Variants in ZNF235 observed in about 807,000 individuals in gnomAD.
ZNF235 encodes the protein zinc finger protein 235.
Under a neutral mutation model 29.4 loss-of-function variants are expected in ZNF235, and 25 were observed. The ratio of observed to expected loss-of-function variants is 0.85; its 90% confidence interval spans 0.62 to 1.19. ZNF235 has a LOEUF of 1.19. Ranked by LOEUF, ZNF235 falls within the 50% of genes most tolerant of loss-of-function variation. ZNF235 has a pLI of 0.00. For missense variants in ZNF235, 788 were observed against 885.0 expected (o/e 0.89, Z 1.39); for synonymous variants, 300 against 295.3 (o/e 1.02, Z -0.16).
Position 44,287,362 on chromosome 19 carries a change from G to A in ZNF235, c.2073C>T (p.Gly691=). ...KPYTCQQCGK[G]FSQASHFHTH... is the part of the protein sequence containing the mutation. ...TGTGAAAATGTGAGGCCTGACTGAAGCCCTTCCCACACTGCTGACACGTAT... is the reference window on the plus strand; with the variant it reads ...TGTGAAAATGTGAGGCCTGACTGAAACCCTTCCCACACTGCTGACACGTAT... Residue 691 remains glycine (G), a synonymous_variant, in exon 5 of 5, where the codon GGC becomes GGT. Coordinates refer to ENST00000291182, the MANE Select transcript of ZNF235 (RefSeq NM_004234.4). 7 of 1,612,730 alleles carry A rather than the reference G, an allele frequency of 4.3e-6. No individual in the cohort carries two copies. The highest frequency in any genetic ancestry group is 5.9e-6 in the Non-Finnish European group (7 of 1,179,630).
At position 44,298,685 on chromosome 19, in the gene ZNF235, C is replaced by G. The variant is rs4449053; in HGVS notation, c.238+123G>C. Reference sequence around the variant, plus strand: ...TGCTGGGATTAGAGGCTTGAGCCATCGCGCCCAACCATGACAGATGTTTTT... The same window carrying G: ...TGCTGGGATTAGAGGCTTGAGCCATGGCGCCCAACCATGACAGATGTTTTT... On this transcript the variant is annotated intron_variant, in intron 4 of 4. Coordinates refer to ENST00000291182, the MANE Select transcript of ZNF235 (RefSeq NM_004234.4). 4,754 of 704,776 alleles carry G rather than the reference C, an allele frequency of 6.7e-3. 162 individuals are homozygous for G. In the African/African-American group the frequency reaches 0.074, roughly 11 times the overall value. The allele number at this position is 704,776 out of a possible 1,614,324, so 43.7% of individuals were successfully genotyped here. A position where few individuals can be genotyped will look rare whatever the true frequency, so the allele number is the denominator to read the frequency against.
chr19:44,299,534 T>C, intron 3 of ZNF235, 72 bp downstream of exon 3: 2 of 1,581,864 alleles, frequency 1.3e-6, no homozygotes, highest in Middle Eastern at 1.7e-4. Context: ...AACACAGAAT[T>C]ATCTGGCCCA....
chr19:44,298,907 TA>T lies in ZNF235; in HGVS notation c.143-5del, dbSNP rs35930036. ...TCTGGTTTGAAGGACTGATGTCCTA[TA>T]AAAAGATAGTATTTAAGTGAAAATG... On this transcript the variant is annotated splice_region_variant and splice_polypyrimidine_tract_variant and intron_variant, in intron 3 of 4. Transcript: ENST00000291182. 6.2e-7 allele frequency: 1 copy of T among 1,601,862 alleles called. No homozygotes were observed. Among genetic ancestry groups the T allele is most frequent in the Non-Finnish European group, 8.5e-7 (1 of 1,170,580 alleles).
At chr19:44,298,142 CA>C (rs1975680537) in intron 4 of ZNF235, among the ~76,000 whole-genome samples, 1 of 151,670 alleles carries the variant, frequency 6.6e-6, no homozygotes, top group Non-Finnish European at 1.5e-5. Context: ...ATCAGAAAGA[CA>C]AAGGTTTAAG....
In ZNF235 at chr19:44,287,672, G is replaced by T. The variant is rs1441008779; in HGVS notation, c.1763C>A (p.Ala588Asp). The change falls in exon 5 of 5, where the codon GCC becomes GAC. Residue 588 changes from alanine to aspartate, a missense_variant. Ala to Asp is a moderately radical substitution (Grantham distance 126). Coordinates refer to ENST00000291182, the MANE Select transcript of ZNF235 (RefSeq NM_004234.4). ...TTCCCCAGTGTGGACGCTCTGATGG[G>T]CTTGAAGATTTGAAGCCTGACTGAA... ...KGFSQASNLQAHQSVHTGEKP... is the reference protein window; with the variant it reads ...KGFSQASNLQDHQSVHTGEKP... 6.2e-7 allele frequency: 1 copy of T among 1,613,286 alleles called. No individual in the cohort carries two copies. Among genetic ancestry groups the T allele is most frequent in the Non-Finnish European group, 8.5e-7 (1 of 1,179,756 alleles).
chr19:44,299,480 G>C (rs1478191217), intron 3 of ZNF235, 126 bp downstream of exon 3: 3 of 1,226,160 alleles, frequency 2.4e-6, no homozygotes, highest in Non-Finnish European at 3.5e-6. Flanking sequence ...ACAGAGGCCA[G>C]GGATGCCACT....
chr19:44,292,019 AAATCT>A (rs1418921500), intron 4 of ZNF235, among the ~76,000 whole-genome samples: 3 of 152,140 alleles, frequency 2.0e-5, no homozygotes, highest in Admixed American at 6.5e-5. Flanking sequence ...TGATCAAATC[AAATCT>A]AACAATGTAT....
chr19:44,299,286 C>A (rs1185860851), intron 3 of ZNF235, among the ~76,000 whole-genome samples: 2 of 152,078 alleles, frequency 1.3e-5, no homozygotes, highest in Non-Finnish European at 2.9e-5. Flanking sequence ...TCATGACCCA[C>A]AAGTTTAAAA....
chr19:44,295,496 T>C (rs1427597353), intron 4 of ZNF235, among the ~76,000 whole-genome samples: 1 of 152,052 alleles, frequency 6.6e-6, no homozygotes, highest in East Asian at 1.9e-4. Context: ...AGAATCAATA[T>C]TGTTAAAAAG....
At chr19:44,294,761 C>G (rs1975631779) in intron 4 of ZNF235, among the ~76,000 whole-genome samples, 2 of 151,372 alleles carry the variant, frequency 1.3e-5, no homozygotes, top group African/African-American at 4.9e-5. Context: ...GGTTTTATTC[C>G]AAGGATGCGA....
chr19:44,287,794 C>T lies in ZNF235; in HGVS notation c.1641G>A (p.Val547=). ...HTGEKPYKCE[V]CGKRFNWSLN... ...AGCTCCAATTGAAGCGCTTCCCACA[C>T]ACTTCACATTTGTATGGTTTTTCTC... The change falls in exon 5 of 5, where the codon GTG becomes GTA. Residue 547 remains valine, a synonymous_variant. Coordinates refer to ENST00000291182, the MANE Select transcript of ZNF235 (RefSeq NM_004234.4). The T allele has an allele frequency of 6.2e-7, 1 of 1,613,610 alleles. No individual in the cohort carries two copies. The highest frequency in any genetic ancestry group is 8.5e-7 in the Non-Finnish European group (1 of 1,179,894).
Position 44,288,657 on chromosome 19 carries a change from G to C in ZNF235, c.778C>G (p.Gln260Glu), listed in dbSNP as rs759410681. ...PLTQRSIHTG[Q>E]KTYQGNECEE... ...CATTCATTACCCTGGTAGGTTTTCTGTCCTGTGTGAATACTACGCTGGGTA... is the reference window on the plus strand; with the variant it reads ...CATTCATTACCCTGGTAGGTTTTCTCTCCTGTGTGAATACTACGCTGGGTA... Residue 260 changes from glutamine (Q) to glutamate (E), a missense_variant, in exon 5 of 5, where the codon CAG becomes GAG. Physicochemically the swap from Gln to Glu is conservative, Grantham distance 29. Coordinates refer to ENST00000291182, the MANE Select transcript of ZNF235 (RefSeq NM_004234.4). 1 of 1,614,062 alleles carries C rather than the reference G, an allele frequency of 6.2e-7. No individual in the cohort carries two copies. The highest frequency in any genetic ancestry group is 8.5e-7 in the Non-Finnish European group (1 of 1,180,006).
At chr19:44,298,274 G>A (rs1259213812) in intron 4 of ZNF235, among the ~76,000 whole-genome samples, 3 of 152,164 alleles carry the variant, frequency 2.0e-5, no homozygotes, top group South Asian at 2.1e-4. Context: ...GGTAAAGCTA[G>A]GTGAATAGGC....
At position 44,298,868 on chromosome 19, in the gene ZNF235, A is replaced by T; in HGVS notation, c.178T>A (p.Leu60Met). ...ATCCAAAGCTTTTCTTCCCTCTCCA[A>T]CTGGGATATCATATCTGGTTTGAAG... ...QSFKPDMISQ[L>M]EREEKLWMKE... The change falls in exon 4 of 5, where the codon TTG becomes ATG. Residue 60 changes from leucine (L) to methionine (M), a missense_variant. Transcript: ENST00000291182. 2 of 1,614,052 alleles carry T rather than the reference A, an allele frequency of 1.2e-6. No homozygotes were observed. The highest frequency in any genetic ancestry group is 1.7e-6 in the Non-Finnish European group (2 of 1,179,886).
At chr19:44,291,325 AAC>A (rs1486232788) in intron 4 of ZNF235, among the ~76,000 whole-genome samples, 1 of 152,224 alleles carries the variant, frequency 6.6e-6, no homozygotes, top group Non-Finnish European at 1.5e-5. Context: ...AATAATTCAA[AAC>A]AGACTTTATA....
Position 44,298,165 on chromosome 19 carries a change from T to C in ZNF235, c.238+643A>G, listed in dbSNP as rs151174515. ...GACAAAGGTTTAAGAAAAAACAGCA[T>C]TCCAGCCAGAGAATAGAAAGTAAAA... On this transcript the variant is annotated intron_variant, in intron 4 of 4. Coordinates refer to ENST00000291182, the MANE Select transcript of ZNF235 (RefSeq NM_004234.4). Among the ~76,000 whole-genome samples the C allele has an allele frequency of 2.8e-4, 43 of 152,184 alleles. No individual in the cohort carries two copies. The East Asian group carries it at 8.2e-3, about 29-fold the overall frequency.
rs754503668 is a variant in ZNF235 at position 44,288,482 on chromosome 19, C to T, written c.953G>A (p.Arg318His). ...TTTACCACATTCATGACACCAATAGCGTTTTTTCCCAGTACGAACACTTTG... is the reference window on the plus strand; with the variant it reads ...TTTACCACATTCATGACACCAATAGTGTTTTTTCCCAGTACGAACACTTTG... The part of the protein sequence containing the change: ...VQQSVRTGKK[R>H]YWCHECGKGF... The change falls in exon 5 of 5, where the codon CGC becomes CAC. Residue 318 changes from arginine to histidine, a missense_variant. Arg to His is a conservative substitution (Grantham distance 29). Coordinates refer to ENST00000291182, the MANE Select transcript of ZNF235 (RefSeq NM_004234.4). 43 of 1,614,016 alleles carry T rather than the reference C, an allele frequency of 2.7e-5. No homozygotes were observed. The highest frequency in any genetic ancestry group is 1.6e-4 in the Middle Eastern group (1 of 6,082).
Position 44,299,745 on chromosome 19 carries a change from G to C in ZNF235, c.16-13C>G, listed in dbSNP as rs1336299557. 3 of 1,613,668 alleles carry C rather than the reference G, an allele frequency of 1.9e-6. No individual in the cohort carries two copies. Among genetic ancestry groups the C allele is most frequent in the African/African-American group, 2.7e-5 (2 of 74,892 alleles). On this transcript the variant is annotated splice_polypyrimidine_tract_variant and intron_variant, in intron 2 of 4. Transcript: ENST00000291182. Reference sequence around the variant, plus strand: ...ATGTCACTGCCTCCTAGAACATCAAGCACATGTAACCTCAATCTCACACCC... The same window carrying C: ...ATGTCACTGCCTCCTAGAACATCAACCACATGTAACCTCAATCTCACACCC...
chr19:44,293,819 T>C (rs1046327439), intron 4 of ZNF235, among the ~76,000 whole-genome samples: 1 of 151,778 alleles, frequency 6.6e-6, no homozygotes, highest in Non-Finnish European at 1.5e-5. Flanking sequence ...CTAAACAATC[T>C]TTGGGTTAAT....
Sources: gnomAD v4.1 joint callset for allele counts (sites outside exome capture counted in the v4.1 genomes callset) on GRCh38, gnomAD v4.1.1 for gene constraint, MANE v1.5 for transcripts, NCBI Gene and HGNC (gene_info 2026-07-23, HGNC 2026-07-21) for gene names.